The following ROR1 variants were observed in gnomAD, a reference collection of about 807,000 sequenced individuals.
The protein encoded by ROR1 is inactive tyrosine-protein kinase transmembrane receptor ROR1.
A neutral mutation model predicts 78.8 loss-of-function variants in ROR1; 19 were observed. That is an observed-to-expected ratio of 0.24 (90% confidence interval 0.17 to 0.35). ROR1 has a LOEUF of 0.35. Among genes scored for constraint, ROR1 ranks in the 10% least tolerant of loss-of-function variants. The pLI is 1.00. For missense variants in ROR1, 917 were observed against 1,177.8 expected (o/e 0.78, Z 3.24); for synonymous variants, 386 against 433.6 (o/e 0.89, Z 1.36).
intron 1 of ROR1, among the ~76,000 whole-genome samples, chr1:63,790,094 T>C (rs1258776688): frequency 6.6e-6 from 1 of 152,206 alleles, no homozygotes; most frequent in African/African-American, 2.4e-5. Flanking sequence ...TCACATGCTC[T>C]CCTAGCACTT....
In ROR1 at chr1:63,774,524, C is replaced by T. The variant is rs1448922306; in HGVS notation, c.91+16C>T. The T allele has an allele frequency of 1.8e-6, 2 of 1,100,766 alleles. No homozygotes were observed. Among genetic ancestry groups the T allele is most frequent in the South Asian group, 4.0e-5 (1 of 24,828 alleles). The allele number at this position is 1,100,766 out of a possible 1,614,324, so 68.2% of individuals were successfully genotyped here. A position where few individuals can be genotyped will look rare whatever the true frequency, so the allele number is the denominator to read the frequency against. Reference sequence around the variant, plus strand: ...GCTGCCCAAGGTAAGAGGCGCCCGCCGGCCCCCGCCCGCCCAGACCCCCTG... The same window carrying T: ...GCTGCCCAAGGTAAGAGGCGCCCGCTGGCCCCCGCCCGCCCAGACCCCCTG... On this transcript the variant is annotated intron_variant, in intron 1 of 8. Coordinates refer to ENST00000371079, the MANE Select transcript of ROR1 (RefSeq NM_005012.4). This position sits in a 1 kb window ranked among gnomAD's most constrained non-coding sequence, Gnocchi z 5.7.
intron 1 of ROR1, among the ~76,000 whole-genome samples, chr1:63,992,483 G>A (rs1014741663): frequency 5.9e-5 from 9 of 152,134 alleles, no homozygotes; most frequent in African/African-American, 1.7e-4. Flanking sequence ...TGGGATTACA[G>A]GCGTGAGCCA....
intron 4 of ROR1, among the ~76,000 whole-genome samples, chr1:64,072,281 G>C (rs759340296): frequency 6.6e-6 from 1 of 152,114 alleles, no homozygotes; most frequent in Non-Finnish European, 1.5e-5. Flanking sequence ...TATTACTAAG[G>C]GCCTGCTTCC....
intron 1 of ROR1, among the ~76,000 whole-genome samples, chr1:63,848,769 C>A (rs1404608669): frequency 1.3e-5 from 2 of 152,012 alleles, no homozygotes; most frequent in Admixed American, 1.3e-4. Context: ...CCTGTATATT[C>A]CCCTATAATG....
intron 4 of ROR1, among the ~76,000 whole-genome samples, chr1:64,119,126 T>G (rs937914131): frequency 1.3e-5 from 2 of 152,152 alleles, no homozygotes; most frequent in African/African-American, 4.8e-5. Flanking sequence ...TTTTCACACA[T>G]AATCCTGACC....
chr1:63,847,306 C>T lies in ROR1; in HGVS notation c.91+72798C>T, dbSNP rs530334560. ...TCCACAGCCTTCACAAAGTATTCCC[C>T]GCAAGAACTACTCATCCTTCACGGT... On this transcript the variant is annotated intron_variant, in intron 1 of 8. Transcript: ENST00000371079. Among the ~76,000 whole-genome samples, 21 of 152,302 alleles carry T rather than the reference C, an allele frequency of 1.4e-4. No individual in the cohort carries two copies. The South Asian group carries it at 1.9e-3, about 14-fold the overall frequency.
Position 64,135,867 on chromosome 1 carries a change from C to T in ROR1, c.483-1502C>T, listed in dbSNP as rs1324355. Among the ~76,000 whole-genome samples, 913 of 152,220 alleles carry T rather than the reference C, an allele frequency of 6.0e-3. 3 individuals carry two copies. Among genetic ancestry groups the T allele is most frequent in the Middle Eastern group, 0.01 (3 of 294 alleles). On this transcript the variant is annotated intron_variant, in intron 4 of 8. Transcript: ENST00000371079. ...ACTGAAGATACTTCCCCCACTTTCA[C>T]CTTTAAAATGATTCTTTTAATGAAT...
intron 4 of ROR1, among the ~76,000 whole-genome samples, chr1:64,112,366 G>GA (rs77074309): frequency 0.15 from 23,312 of 151,434 alleles, 2,118 homozygotes; most frequent in Non-Finnish European, 0.2. Flanking sequence ...CTGGGGCACA[G>GA]AAAAAAAAAG....
chr1:63,780,583 ATG>A (rs1422361869), intron 1 of ROR1, among the ~76,000 whole-genome samples: 1 of 152,166 alleles, frequency 6.6e-6, no homozygotes, highest in Non-Finnish European at 1.5e-5. Context: ...CTTCAAAACG[ATG>A]GTCCTGCTGC....
At chr1:64,016,786 T>C (rs1025603011) in intron 2 of ROR1, among the ~76,000 whole-genome samples, 1 of 148,130 alleles carries the variant, frequency 6.8e-6, no homozygotes, top group Non-Finnish European at 1.5e-5. Context: ...TTACTGATTA[T>C]AGTCTGATCA....
intron 1 of ROR1, among the ~76,000 whole-genome samples, chr1:63,869,507 C>G (rs889290720): frequency 1.3e-5 from 2 of 152,194 alleles, no homozygotes; most frequent in East Asian, 3.8e-4. Flanking sequence ...TCCTGCAGAT[C>G]AAGGACCAAT....
chr1:63,939,293 ATTTGGGGACGAGAGCATAT>A (rs560544365), intron 1 of ROR1, among the ~76,000 whole-genome samples: 1 of 152,286 alleles, frequency 6.6e-6, no homozygotes, highest in African/African-American at 2.4e-5. Flanking sequence ...GAAATCAGAT[ATTTGGGGACGAGAGCATAT>A]TTTGAGGGTC....
In ROR1 at chr1:64,007,391, T is replaced by TGTGTGTGTGG. The variant is rs1305072999; in HGVS notation, c.92-1905_92-1904insGGTGTGTGTG. Among the ~76,000 whole-genome samples the TGTGTGTGTGG allele has an allele frequency of 2.0e-5, 3 of 151,508 alleles. No individual in the cohort carries two copies. The East Asian group carries it at 5.9e-4, about 30-fold the overall frequency. ...GTAATGTTCTGAGTGTGTGTGTGTG[T>TGTGTGTGTGG]GTGTGTGTGTGTGTGTGTAGACATA... is the stretch of plus-strand genomic sequence containing the variant. On this transcript the variant is annotated intron_variant, in intron 1 of 8. Transcript: ENST00000371079.
Position 63,868,851 on chromosome 1 carries a change from A to T in ROR1, c.91+94343A>T, listed in dbSNP as rs76577450. ...ATAGAGAAGAAACTTTATTCAAGAC[A>T]TAGGTTTTTACACATTTTGTTTTGT... On this transcript the variant is annotated intron_variant, in intron 1 of 8. Coordinates refer to ENST00000371079, the MANE Select transcript of ROR1 (RefSeq NM_005012.4). Among the ~76,000 whole-genome samples the T allele has an allele frequency of 5.7e-3, 862 of 152,316 alleles. 7 individuals are homozygous for T. Among genetic ancestry groups the T allele is most frequent in the African/African-American group, 0.019 (800 of 41,566 alleles).
At chr1:64,132,784 AG>A (rs1248348479) in intron 4 of ROR1, among the ~76,000 whole-genome samples, 3,338 of 135,924 alleles carry the variant, frequency 0.025, 205 homozygotes, top group African/African-American at 0.094. Context: ...AAAAAAAAAA[AG>A]AGAGAGAGAT....
rs566352518 is a variant in ROR1 at position 63,889,630 on chromosome 1, G to T, written c.91+115122G>T. On this transcript the variant is annotated intron_variant, in intron 1 of 8. Coordinates refer to ENST00000371079, the MANE Select transcript of ROR1 (RefSeq NM_005012.4). ...ATACCTATCTTTATATAGTTAGTAT[G>T]TCCCTGAAGAGCAGGGCATAAACCA... 2.0e-5 allele frequency among the ~76,000 whole-genome samples: 3 copies of T among 152,252 alleles called. No homozygotes were observed. In the East Asian group the frequency reaches 5.8e-4, roughly 29 times the overall value.
At chr1:63,904,326 A>C (rs752351279) in intron 1 of ROR1, among the ~76,000 whole-genome samples, 2 of 152,206 alleles carry the variant, frequency 1.3e-5, no homozygotes, top group Non-Finnish European at 2.9e-5. Flanking sequence ...ATCTTGCTCA[A>C]GGTCTCATAG....
chr1:63,850,039 G>A (rs527599396), intron 1 of ROR1, among the ~76,000 whole-genome samples: 2 of 152,206 alleles, frequency 1.3e-5, no homozygotes, highest in South Asian at 4.1e-4. Flanking sequence ...TCCCATGCAT[G>A]TTTTTATATT....
chr1:63,877,562 G>A (rs373183182), intron 1 of ROR1, among the ~76,000 whole-genome samples: 9 of 152,196 alleles, frequency 5.9e-5, no homozygotes, highest in East Asian at 1.9e-4. Flanking sequence ...AGGGTGAGGT[G>A]GCATTTTCAG....
Sources: allele counts gnomAD v4.1 joint callset (sites outside exome capture counted in the v4.1 genomes callset), GRCh38; gene constraint gnomAD v4.1.1; non-coding constraint Gnocchi (gnomAD v3.1); transcripts MANE v1.5; gene names NCBI Gene and HGNC (gene_info 2026-07-23, HGNC 2026-07-21).